Variants in SERPINE2 observed in about 807,000 individuals in gnomAD.
The protein encoded by SERPINE2 is serpin family E member 2, also known as glia-derived nexin.
Under a neutral mutation model 36.3 loss-of-function variants are expected in SERPINE2, and 14 were observed. That is an observed-to-expected ratio of 0.39 (90% CI 0.25 to 0.60). The LOEUF is 0.60. Among genes scored for constraint, SERPINE2 ranks in the 20% least tolerant of loss-of-function variants. The pLI is 0.57. For missense variants in SERPINE2, 418 were observed against 499.6 expected, an observed-to-expected ratio of 0.84 and a Z score of 1.56; for synonymous variants, 192 against 191.8, an observed-to-expected ratio of 1.00 and a Z score of -0.01.
chr2:223,992,026 G>A, intron 3 of SERPINE2, 26 bp from the exon 4 acceptor site: 1 of 1,608,050 alleles, frequency 6.2e-7, no homozygotes, highest in Non-Finnish European at 8.5e-7. Context: ...ACAAACAAGG[G>A]AAAAATAACC....
chr2:223,993,672 G>A (rs1333018027), intron 3 of SERPINE2, among the ~76,000 whole-genome samples: 2 of 152,076 alleles, frequency 1.3e-5, no homozygotes, highest in Non-Finnish European at 2.9e-5. Flanking sequence ...AGGGGTGAGA[G>A]TATTAAGTCC....
chr2:224,030,045 A>G, intron 1 of SERPINE2: 2 of 985,414 alleles, frequency 2.0e-6, no homozygotes, highest in Non-Finnish European at 2.4e-6. Context: ...ACCTAATGGA[A>G]AAAAGCAGCC....
Position 224,031,608 on chromosome 2 carries a change from A to C in SERPINE2, c.-23+7491T>G, listed in dbSNP as rs1692375004. 1.4e-5 allele frequency: 8 copies of C among 566,592 alleles called. No individual in the cohort carries two copies. In the South Asian group the frequency reaches 3.1e-4, roughly 22 times the overall value. The allele number at this position is 566,592 out of a possible 1,614,324, so 35.1% of individuals were successfully genotyped here. A position where few individuals can be genotyped will look rare whatever the true frequency, so the allele number is the denominator to read the frequency against. ...CACAGGACCTCACTCCTCTGCCCACAGCCATTGGTATCGGGACGAGCATGT... is the reference window on the plus strand; with the variant it reads ...CACAGGACCTCACTCCTCTGCCCACCGCCATTGGTATCGGGACGAGCATGT... On this transcript the variant is annotated intron_variant, in intron 1 of 8. Transcript: ENST00000409304.
intron 1 of SERPINE2, among the ~76,000 whole-genome samples, chr2:224,032,015 G>A (rs970836614): frequency 2.6e-5 from 4 of 152,142 alleles, no homozygotes; most frequent in African/African-American, 7.2e-5. Flanking sequence ...ACAGCTCTCC[G>A]CCTTGTTTCC....
chr2:224,027,864 C>T (rs981195365), intron 1 of SERPINE2, among the ~76,000 whole-genome samples: 1 of 152,218 alleles, frequency 6.6e-6, no homozygotes, highest in Admixed American at 6.5e-5. Context: ...TTCAGCTGCA[C>T]GTCACCCAAA....
At chr2:223,993,173 G>T (rs919300891) in intron 3 of SERPINE2, among the ~76,000 whole-genome samples, 2 of 151,990 alleles carry the variant, frequency 1.3e-5, no homozygotes, top group Non-Finnish European at 2.9e-5. Context: ...AAAAAATTAA[G>T]GTCTGTCCTA....
intron 3 of SERPINE2, among the ~76,000 whole-genome samples, chr2:223,995,366 G>C (rs1352114930): frequency 6.6e-6 from 1 of 152,208 alleles, no homozygotes; most frequent in Non-Finnish European, 1.5e-5. Flanking sequence ...AGTGGGGGCA[G>C]TTCACCCCCA....
chr2:224,028,589 A>G (rs1692261416), intron 1 of SERPINE2, among the ~76,000 whole-genome samples: 1 of 152,144 alleles, frequency 6.6e-6, no homozygotes, highest in South Asian at 2.1e-4. Flanking sequence ...TCTATATCCC[A>G]TCAGTGGGAA....
intron 3 of SERPINE2, among the ~76,000 whole-genome samples, chr2:223,993,999 T>C (rs935189057): frequency 1.3e-5 from 2 of 152,200 alleles, no homozygotes; most frequent in Admixed American, 6.5e-5. Flanking sequence ...GTTTCTTGCC[T>C]CTGCTGGGAA....
chr2:224,013,070 T>G (rs1691685391), intron 1 of SERPINE2, among the ~76,000 whole-genome samples: 1 of 152,214 alleles, frequency 6.6e-6, no homozygotes, highest in East Asian at 1.9e-4. Context: ...TGGCCAAATC[T>G]ACATATTAGA....
chr2:223,987,213 C>T (rs1433797556), intron 4 of SERPINE2, among the ~76,000 whole-genome samples: 4 of 152,182 alleles, frequency 2.6e-5, no homozygotes, highest in South Asian at 4.1e-4. Flanking sequence ...ATACAAAGTG[C>T]TCAGCATAAG....
At position 224,005,094 on chromosome 2, in the gene SERPINE2, TATAA is replaced by T. The variant is rs1195659451; in HGVS notation, c.-22-3176_-22-3173del. Among the ~76,000 whole-genome samples, 67 of 132,696 alleles carry T rather than the reference TATAA, an allele frequency of 5.0e-4. 4 individuals are homozygous for T. Among genetic ancestry groups the T allele is most frequent in the African/African-American group, 1.1e-3 (38 of 34,622 alleles). The allele number at this position is 132,696 out of a possible 152,430, so 87.1% of individuals were successfully genotyped here. On this transcript the variant is annotated intron_variant, in intron 1 of 8. Coordinates refer to ENST00000409304, the MANE Select transcript of SERPINE2 (RefSeq NM_001136528.2). ...ATATATATATATATATATATATATA[TATAA>T]AACATTGTAAAAACAGGGTGAAAGG...
chr2:223,976,814 A>G (rs1690030672), intron 8 of SERPINE2, among the ~76,000 whole-genome samples: 1 of 152,238 alleles, frequency 6.6e-6, no homozygotes, highest in Admixed American at 6.5e-5. Context: ...AGGTATAACA[A>G]TAGAGTGGGC....
intron 6 of SERPINE2, chr2:223,981,119 T>C (rs1354712009): frequency 6.6e-6 from 1 of 152,230 alleles, no homozygotes; most frequent in East Asian, 1.9e-4. Flanking sequence ...GACATAGGTC[T>C]GGATGCAAAG....
chr2:224,001,031 C>T (rs1377394506), intron 2 of SERPINE2, among the ~76,000 whole-genome samples: 1 of 152,048 alleles, frequency 6.6e-6, no homozygotes, highest in Non-Finnish European at 1.5e-5. Flanking sequence ...AAGGAAGTCC[C>T]ACGTGCCTTT....
At chr2:224,035,890 A>C (rs955765757) in intron 1 of SERPINE2, among the ~76,000 whole-genome samples, 1 of 152,190 alleles carries the variant, frequency 6.6e-6, no homozygotes, top group Admixed American at 6.5e-5. Context: ...CAGCATGAAG[A>C]AGCAACAGGA....
chr2:223,999,250 T>C (rs1691010643), intron 2 of SERPINE2, among the ~76,000 whole-genome samples: 2 of 152,222 alleles, frequency 1.3e-5, no homozygotes, highest in South Asian at 2.1e-4. Context: ...TTATTTTACA[T>C]GAGCCATTCA....
At chr2:224,004,082 C>T (rs1691297154) in intron 1 of SERPINE2, among the ~76,000 whole-genome samples, 2 of 152,220 alleles carry the variant, frequency 1.3e-5, no homozygotes, top group South Asian at 4.1e-4. Context: ...AATCCGATGG[C>T]TCATAAATAC....
chr2:224,014,521 A>T (rs1184633987), intron 1 of SERPINE2, among the ~76,000 whole-genome samples: 1 of 152,234 alleles, frequency 6.6e-6, no homozygotes, highest in Non-Finnish European at 1.5e-5. Context: ...AGGGAAAGTC[A>T]GAGGGATCAT....
Sources: allele counts gnomAD v4.1 joint callset (sites outside exome capture counted in the v4.1 genomes callset), GRCh38; gene constraint gnomAD v4.1.1; transcripts MANE v1.5; gene names NCBI Gene and HGNC (gene_info 2026-07-23, HGNC 2026-07-21).